Variants in EYA2 observed in about 807,000 individuals in gnomAD.
EYA2 encodes protein phosphatase EYA2.
Under a neutral mutation model 69.2 loss-of-function variants are expected in EYA2, and 31 were observed. That is an observed-to-expected ratio of 0.45 (90% CI 0.34 to 0.60). The LOEUF is 0.60. Ranked by LOEUF, EYA2 falls within the 20% of genes least tolerant of loss-of-function variation. The pLI is 0.02. For missense variants in EYA2, 622 were observed against 701.2 expected (o/e 0.89, Z 1.28); for synonymous variants, 257 against 279.4 (o/e 0.92, Z 0.80).
At chr20:47,138,027 A>G (rs1463544200) in intron 9 of EYA2, among the ~76,000 whole-genome samples, 2 of 151,944 alleles carry the variant, frequency 1.3e-5, no homozygotes, top group East Asian at 3.9e-4. Flanking sequence ...TTTAGGAGAT[A>G]TACCTAATGC....
At chr20:46,979,310 G>T (rs956592997) in intron 1 of EYA2, among the ~76,000 whole-genome samples, 1 of 152,210 alleles carries the variant, frequency 6.6e-6, no homozygotes, top group Non-Finnish European at 1.5e-5. Flanking sequence ...AGGGACAGGG[G>T]TGGTGACAAG....
At chr20:47,039,837 T>TTTG (rs1260355477) in intron 5 of EYA2, among the ~76,000 whole-genome samples, 1 of 122,746 alleles carries the variant, frequency 8.1e-6, no homozygotes, top group African/African-American at 3.0e-5. Flanking sequence ...ATCAAATACT[T>TTTG]TTTTTTTTTT....
intron 3 of EYA2, among the ~76,000 whole-genome samples, chr20:47,002,445 G>A (rs1982439508): frequency 1.3e-5 from 2 of 152,186 alleles, no homozygotes; most frequent in Non-Finnish European, 2.9e-5. Flanking sequence ...TTGTAAGTGA[G>A]AACATGCAGT....
chr20:47,095,523 C>A (rs1049839689), intron 8 of EYA2, among the ~76,000 whole-genome samples: 3 of 151,836 alleles, frequency 2.0e-5, no homozygotes, highest in Non-Finnish European at 4.4e-5. Context: ...GAAGACCATA[C>A]CCAGATATAT....
chr20:47,176,937 G>A (rs1434390647), intron 12 of EYA2, among the ~76,000 whole-genome samples: 4 of 151,062 alleles, frequency 2.6e-5, no homozygotes, highest in Non-Finnish European at 5.9e-5. Flanking sequence ...GAATACAGGC[G>A]CCTGCCACCA....
intron 10 of EYA2, among the ~76,000 whole-genome samples, chr20:47,149,240 A>G (rs998561456): frequency 1.3e-5 from 2 of 152,214 alleles, no homozygotes; most frequent in Admixed American, 1.3e-4. Flanking sequence ...TAGTTCGGGC[A>G]TGAAAAAGAA....
At chr20:46,924,929 C>T (rs555363667) in intron 1 of EYA2, among the ~76,000 whole-genome samples, 12 of 152,262 alleles carry the variant, frequency 7.9e-5, no homozygotes, top group African/African-American at 2.2e-4. Flanking sequence ...TTACTCTCTC[C>T]GGAGGTGGAA....
At chr20:47,009,789 A>G (rs1221026771) in intron 4 of EYA2, among the ~76,000 whole-genome samples, 1 of 152,252 alleles carries the variant, frequency 6.6e-6, no homozygotes, top group Non-Finnish European at 1.5e-5. Flanking sequence ...AACTTTATTT[A>G]CAAAAATGAA....
chr20:47,024,433 G>A (rs1372520169), intron 5 of EYA2, among the ~76,000 whole-genome samples: 1 of 152,164 alleles, frequency 6.6e-6, no homozygotes, highest in Non-Finnish European at 1.5e-5. Flanking sequence ...GCTCCATTAT[G>A]AGCTCTGAAG....
At chr20:47,080,329 T>C (rs2146488695) in intron 7 of EYA2, among the ~76,000 whole-genome samples, 1 of 151,746 alleles carries the variant, frequency 6.6e-6, no homozygotes, top group African/African-American at 2.4e-5. Context: ...TTATGGAATG[T>C]CATTAAAGCA....
intron 1 of EYA2, among the ~76,000 whole-genome samples, chr20:46,932,844 C>T (rs1985732711): frequency 1.3e-5 from 2 of 152,122 alleles, no homozygotes; most frequent in Non-Finnish European, 1.5e-5. Context: ...CGAGATCGAG[C>T]CACTGCACTC....
At chr20:47,093,836 ACTCG>A (rs1465323066) in intron 8 of EYA2, among the ~76,000 whole-genome samples, 2 of 152,002 alleles carry the variant, frequency 1.3e-5, no homozygotes, top group Admixed American at 6.5e-5. Flanking sequence ...TGCACGCCAA[ACTCG>A]CTGAGTCACG....
intron 5 of EYA2, among the ~76,000 whole-genome samples, chr20:47,057,279 G>T (rs1427367584): frequency 6.6e-6 from 1 of 152,180 alleles, no homozygotes; most frequent in Non-Finnish European, 1.5e-5. Flanking sequence ...GGAGGTGAGG[G>T]GATGGGGCAG....
At chr20:47,145,206 T>C (rs1365922054) in intron 10 of EYA2, among the ~76,000 whole-genome samples, 5 of 149,052 alleles carry the variant, frequency 3.4e-5, no homozygotes, top group African/African-American at 1.2e-4. Context: ...GAACAAGTGA[T>C]GGGGATGGAG....
chr20:47,170,743 TTAA>T (rs998171788), intron 11 of EYA2, among the ~76,000 whole-genome samples: 2 of 152,262 alleles, frequency 1.3e-5, no homozygotes, highest in Admixed American at 6.5e-5. Flanking sequence ...GGAACCATAG[TTAA>T]TCTGTGCTCA....
intron 5 of EYA2, among the ~76,000 whole-genome samples, chr20:47,027,440 C>T (rs1984158236): frequency 1.3e-5 from 2 of 152,196 alleles, no homozygotes; most frequent in South Asian, 4.1e-4. Context: ...CATTCTCGCC[C>T]CTGTGCAACA....
intron 1 of EYA2, among the ~76,000 whole-genome samples, chr20:46,918,039 G>A (rs1470284296): frequency 1.3e-5 from 2 of 152,110 alleles, no homozygotes; most frequent in Admixed American, 6.5e-5. Context: ...GTCAGTTCTC[G>A]GCTGGGCGTG....
In EYA2 at chr20:46,992,845, G is replaced by C. The variant is rs1049013842; in HGVS notation, c.109+2726G>C. 2.0e-5 allele frequency among the ~76,000 whole-genome samples: 3 copies of C among 152,292 alleles called. No individual in the cohort carries two copies. The East Asian group carries it at 5.8e-4, about 29-fold the overall frequency. On this transcript the variant is annotated intron_variant, in intron 2 of 15. Transcript: ENST00000327619. Reference sequence around the variant, plus strand: ...GCAGGTGGTGAGCTCCAGAGACTCTGCAGGGGACATTCCACCCTGGAGCAT... The same window carrying C: ...GCAGGTGGTGAGCTCCAGAGACTCTCCAGGGGACATTCCACCCTGGAGCAT...
At position 47,052,887 on chromosome 20, in the gene EYA2, C is replaced by T. The variant is rs553759405; in HGVS notation, c.416-19298C>T. Among the ~76,000 whole-genome samples the T allele has an allele frequency of 5.9e-5, 9 of 152,260 alleles. No individual in the cohort carries two copies. In the South Asian group the frequency reaches 1.0e-3, roughly 18 times the overall value. On this transcript the variant is annotated intron_variant, in intron 5 of 15. Transcript: ENST00000327619. ...AATCCTCCTGTCTCAGCCTCCCAAACGGGCTTCTATTTCTTTTATCCACAT... is the reference window on the plus strand; with the variant it reads ...AATCCTCCTGTCTCAGCCTCCCAAATGGGCTTCTATTTCTTTTATCCACAT...
Sources: gnomAD v4.1 joint callset for allele counts (sites outside exome capture counted in the v4.1 genomes callset) on GRCh38, gnomAD v4.1.1 for gene constraint, MANE v1.5 for transcripts, NCBI Gene and HGNC (gene_info 2026-07-23, HGNC 2026-07-21) for gene names.